Variants in ARHGAP20 observed in about 807,000 individuals in gnomAD.
ARHGAP20 encodes the protein Rho GTPase activating protein 20.
In ARHGAP20, 34 loss-of-function variants were observed where a neutral mutation model predicts 73.7. That is an observed-to-expected ratio of 0.46 (90% CI 0.35 to 0.61). The LOEUF is 0.61. Ranked by LOEUF, ARHGAP20 falls within the 20% of genes least tolerant of loss-of-function variation. The pLI is 0.00. For missense variants in ARHGAP20, 1,314 were observed against 1,420.9 expected (o/e 0.92, Z 1.21); for synonymous variants, 523 against 518.2 (o/e 1.01, Z -0.13).
At position 110,591,979 on chromosome 11, in the gene ARHGAP20, A is replaced by G; in HGVS notation, c.1141T>C (p.Leu381=). 6.2e-7 allele frequency: 1 copy of G among 1,613,992 alleles called. No homozygotes were observed. Among genetic ancestry groups the G allele is most frequent in the Non-Finnish European group, 8.5e-7 (1 of 1,179,908 alleles). The change falls in exon 10 of 15, where the codon TTG becomes CTG. Residue 381 remains leucine, a splice_region_variant and synonymous_variant. Transcript: ENST00000683387. ...CENDNLPKPV[L]DMLFFLNQKG... ...TTACAGACCAAAATGAGCCTTACCA[A>G]GACAGGTTTGGGCAGATTGTCATTC...
At position 110,577,240 on chromosome 11, in the gene ARHGAP20, T is replaced by C; in HGVS notation, c.*2130A>G. 1 of 1,489,354 alleles carries C rather than the reference T, an allele frequency of 6.7e-7. No homozygotes were observed. Among genetic ancestry groups the C allele is most frequent in the Non-Finnish European group, 8.9e-7 (1 of 1,118,504 alleles). 92.3% of individuals were successfully genotyped at this position (1,489,354 alleles called of 1,614,324 possible). On this transcript the variant is annotated 3_prime_UTR_variant, in exon 15 of 15. Transcript: ENST00000683387. ...TTATACAAACTCAAAGCATTTTAGA[T>C]AAAGCATCAGTCTAATATATTATAG...
chr11:110,672,022 A>G (rs765652966), intron 2 of ARHGAP20, among the ~76,000 whole-genome samples: 4 of 152,194 alleles, frequency 2.6e-5, no homozygotes, highest in Non-Finnish European at 4.4e-5. Context: ...ATTTTATACC[A>G]TAGACAAAAT....
intron 9 of ARHGAP20, among the ~76,000 whole-genome samples, chr11:110,597,563 G>A (rs1305883966): frequency 6.6e-6 from 1 of 152,086 alleles, no homozygotes; most frequent in Non-Finnish European, 1.5e-5. Flanking sequence ...CTCCCAAAGT[G>A]CTGGGATTAC....
intron 4 of ARHGAP20, among the ~76,000 whole-genome samples, chr11:110,617,340 G>A (rs1377237771): frequency 2.0e-5 from 3 of 149,166 alleles, no homozygotes; most frequent in African/African-American, 5.0e-5. Flanking sequence ...TTGGCTCACC[G>A]CAACCTCCGC....
intron 12 of ARHGAP20, among the ~76,000 whole-genome samples, chr11:110,585,543 T>G (rs1378939088): frequency 2.6e-5 from 4 of 152,176 alleles, no homozygotes; most frequent in African/African-American, 7.2e-5. Flanking sequence ...TTGAGATTCT[T>G]GAGTATTCAC....
At chr11:110,696,516 T>C (rs1950338807) in intron 1 of ARHGAP20, among the ~76,000 whole-genome samples, 2 of 151,690 alleles carry the variant, frequency 1.3e-5, no homozygotes, top group South Asian at 4.1e-4. Context: ...ATTTGAGTTC[T>C]TCAGAGATCT....
At chr11:110,606,833 T>G in intron 8 of ARHGAP20, 84 bp from the exon 9 acceptor site, 1 of 1,198,928 alleles carries the variant, frequency 8.3e-7, no homozygotes, top group Non-Finnish European at 1.1e-6. Flanking sequence ...TGTACTGCAA[T>G]TTACTCCTGG....
At chr11:110,656,491 T>C (rs574540664) in intron 2 of ARHGAP20, among the ~76,000 whole-genome samples, 11 of 152,272 alleles carry the variant, frequency 7.2e-5, no homozygotes, top group African/African-American at 2.4e-4. Context: ...CCTTTATTTC[T>C]ACTTCTTCCC....
intron 1 of ARHGAP20, among the ~76,000 whole-genome samples, chr11:110,711,307 C>A (rs1292590167): frequency 3.3e-5 from 5 of 151,938 alleles, no homozygotes; most frequent in African/African-American, 1.2e-4. Flanking sequence ...CACGCCCACA[C>A]CGACACCCGG....
chr11:110,641,913 G>A (rs1449706), intron 2 of ARHGAP20, among the ~76,000 whole-genome samples: 44,484 of 151,590 alleles, frequency 0.29, 6,985 homozygotes, highest in African/African-American at 0.43. Context: ...AAGTTACTCA[G>A]AGAAATTTAT....
At chr11:110,645,083 C>T (rs781331541) in intron 2 of ARHGAP20, among the ~76,000 whole-genome samples, 48 of 152,000 alleles carry the variant, frequency 3.2e-4, no homozygotes, top group Non-Finnish European at 6.3e-4. Context: ...AATCATGGCT[C>T]ACTGCAACCT....
intron 2 of ARHGAP20, among the ~76,000 whole-genome samples, chr11:110,673,084 T>C (rs1949861467): frequency 6.6e-6 from 1 of 152,050 alleles, no homozygotes; most frequent in Non-Finnish European, 1.5e-5. Context: ...CTCAAAAAAA[T>C]CCTGCTGAGC....
At position 110,577,428 on chromosome 11, in the gene ARHGAP20, T is replaced by G. The variant is rs927795915; in HGVS notation, c.*1942A>C. On this transcript the variant is annotated 3_prime_UTR_variant, in exon 15 of 15. Coordinates refer to ENST00000683387, the MANE Select transcript of ARHGAP20 (RefSeq NM_001384657.1). Reference sequence around the variant, plus strand: ...TAAAAAACCTCAGCAACTATTTTCTTCTATGCTTCAAATTGGGTGAATGAT... The same window carrying G: ...TAAAAAACCTCAGCAACTATTTTCTGCTATGCTTCAAATTGGGTGAATGAT... The G allele has an allele frequency of 5.4e-6, 6 of 1,113,352 alleles. No individual in the cohort carries two copies. In the African/African-American group the frequency reaches 9.7e-5, roughly 18 times the overall value. The allele number at this position is 1,113,352 out of a possible 1,614,324, so 69.0% of individuals were successfully genotyped here. A position where few individuals can be genotyped will look rare whatever the true frequency, so the allele number is the denominator to read the frequency against.
rs564970858 is a variant in ARHGAP20, at chr11:110,634,895, A to T, written c.189-4103T>A. ...CTTCAGGGAAACAATCCAGAGCTGA[A>T]CTAAATTAAAAGCCATGCAAAAGTC... On this transcript the variant is annotated intron_variant, in intron 2 of 14. Coordinates refer to ENST00000683387, the MANE Select transcript of ARHGAP20 (RefSeq NM_001384657.1). 2.6e-5 allele frequency among the ~76,000 whole-genome samples: 4 copies of T among 152,232 alleles called. No individual in the cohort carries two copies. In the East Asian group the frequency reaches 7.7e-4, roughly 29 times the overall value.
chr11:110,580,232 A>G lies in ARHGAP20; in HGVS notation c.2714T>C (p.Met905Thr). 1 of 1,614,226 alleles carries G rather than the reference A, an allele frequency of 6.2e-7. No individual in the cohort carries two copies. The highest frequency in any genetic ancestry group is 8.5e-7 in the Non-Finnish European group (1 of 1,180,042). The stretch of plus-strand genomic sequence containing the variant: ...ACTACTCTTGCCCACCTCAATCCCC[A>G]TGACTAAACTCTGATTAATGAGCTT... ...GQKLINQSLV[M>T]GIEVGKSSAT... is the part of the protein sequence containing the mutation. The change falls in exon 15 of 15, where the codon ATG becomes ACG. Residue 905 changes from methionine (M) to threonine (T), a missense_variant. By Grantham distance (81) the Met-to-Thr change is moderately conservative. Around this residue, in one of 3 missense-constraint regions of ARHGAP20, gnomAD observed 641 missense variants for 636.9 expected, o/e 1.01. Transcript: ENST00000683387.
At chr11:110,610,316 T>C (rs1054728014) in intron 7 of ARHGAP20, among the ~76,000 whole-genome samples, 7 of 143,004 alleles carry the variant, frequency 4.9e-5, no homozygotes, top group Admixed American at 1.4e-4. Context: ...AACACAATAA[T>C]ACTATGGCAT....
At chr11:110,690,963 A>G (rs1950231708) in intron 1 of ARHGAP20, 3 of 1,495,086 alleles carry the variant, frequency 2.0e-6, no homozygotes, top group Non-Finnish European at 2.7e-6. Flanking sequence ...AAGGCTGGAC[A>G]TGGATTACCT....
At chr11:110,616,752 T>C (rs1948493323) in intron 4 of ARHGAP20, among the ~76,000 whole-genome samples, 1 of 151,936 alleles carries the variant, frequency 6.6e-6, no homozygotes, top group Non-Finnish European at 1.5e-5. Flanking sequence ...TATCTTTTGA[T>C]GTATTCTCTT....
intron 4 of ARHGAP20, among the ~76,000 whole-genome samples, chr11:110,622,416 A>G (rs1239812194): frequency 6.6e-6 from 1 of 152,246 alleles, no homozygotes. Context: ...CATAGTTCTC[A>G]TGCTGTTTAA....
Sources: gnomAD v4.1 joint callset for allele counts (sites outside exome capture counted in the v4.1 genomes callset) on GRCh38, gnomAD v4.1.1 for gene constraint, gnomAD v4.1.1 regional missense constraint, MANE v1.5 for transcripts, NCBI Gene and HGNC (gene_info 2026-07-23, HGNC 2026-07-21) for gene names.